The following ROBO2 variants were observed in gnomAD, a reference collection of about 807,000 sequenced individuals.
ROBO2 encodes the protein roundabout guidance receptor 2.
Under a neutral mutation model 160.8 loss-of-function variants are expected in ROBO2, and 53 were observed. The observed-to-expected ratio is 0.33, with a 90% CI of 0.26 to 0.41. The LOEUF (loss-of-function observed/expected upper bound fraction) is 0.41. Ranked by LOEUF, ROBO2 falls within the 10% of genes least tolerant of loss-of-function variation. The probability of loss-of-function intolerance (pLI) is 1.00; values close to 1 mark genes in which losing one functional copy is unlikely to be tolerated. For synonymous variants in ROBO2, 664 were observed against 611.7 expected, an observed-to-expected ratio of 1.09 and a Z score of -1.26; for missense variants, 1,577 against 1,722.4, an observed-to-expected ratio of 0.92 and a Z score of 1.49.
intron 2 of ROBO2, among the ~76,000 whole-genome samples, chr3:76,211,937 AC>A (rs574007074): frequency 4.6e-4 from 70 of 152,158 alleles, no homozygotes; most frequent in Middle Eastern, 3.4e-3. Flanking sequence ...TTAATATGAA[AC>A]AAGTGACTAC....
chr3:76,970,068 A>AT (rs1280678352), intron 2 of ROBO2, among the ~76,000 whole-genome samples: 2 of 152,118 alleles, frequency 1.3e-5, no homozygotes, highest in East Asian at 1.9e-4. Flanking sequence ...GATCACTATC[A>AT]TTTTCTTACA....
At chr3:75,942,836 A>C (rs1948116916) in intron 2 of ROBO2, among the ~76,000 whole-genome samples, 1 of 152,150 alleles carries the variant, frequency 6.6e-6, no homozygotes, top group Non-Finnish European at 1.5e-5. Context: ...TAGTTTCTTG[A>C]GAAAATTATC....
intron 2 of ROBO2, among the ~76,000 whole-genome samples, chr3:76,316,040 T>C (rs1305217704): frequency 6.6e-6 from 1 of 151,420 alleles, no homozygotes; most frequent in Admixed American, 6.6e-5. Context: ...GGGGAGGGAG[T>C]GTACGAACAG....
At chr3:76,980,738 T>C (rs2060055853) in intron 2 of ROBO2, among the ~76,000 whole-genome samples, 1 of 152,146 alleles carries the variant, frequency 6.6e-6, no homozygotes, top group African/African-American at 2.4e-5. Context: ...TATTAACATG[T>C]ATACAAATCA....
chr3:77,087,316 A>G (rs2069459743), intron 1 of ROBO2, among the ~76,000 whole-genome samples: 1 of 152,180 alleles, frequency 6.6e-6, no homozygotes, highest in Non-Finnish European at 1.5e-5. Flanking sequence ...GTAAAGCCAA[A>G]TGCAATTTCA....
intron 2 of ROBO2, among the ~76,000 whole-genome samples, chr3:76,844,713 T>C (rs1404768432): frequency 1.3e-5 from 2 of 151,936 alleles, no homozygotes; most frequent in East Asian, 3.9e-4. Flanking sequence ...TAGATTTATA[T>C]AGGATTCTAT....
At chr3:77,625,724 T>G (rs1016112431) in intron 23 of ROBO2, among the ~76,000 whole-genome samples, 2 of 152,076 alleles carry the variant, frequency 1.3e-5, no homozygotes, top group Admixed American at 6.6e-5. Flanking sequence ...TGTGGTCTCA[T>G]TAGCTAAGAA....
At chr3:76,765,566 G>A (rs1033007818) in intron 2 of ROBO2, among the ~76,000 whole-genome samples, 7 of 151,556 alleles carry the variant, frequency 4.6e-5, no homozygotes, top group Non-Finnish European at 1.0e-4. Context: ...CTACCACCTG[G>A]TTCTCTTGGC....
intron 2 of ROBO2, among the ~76,000 whole-genome samples, chr3:75,939,138 G>A (rs79415868): frequency 9.9e-5 from 15 of 151,030 alleles, no homozygotes; most frequent in African/African-American, 3.4e-4. Context: ...GTAGACAGCC[G>A]CGTTGGGTTT....
chr3:77,165,647 C>CTT (rs201580220), intron 2 of ROBO2, among the ~76,000 whole-genome samples: 1,561 of 151,956 alleles, frequency 0.01, 14 homozygotes, highest in Middle Eastern at 0.017. Flanking sequence ...TTTTTGTAAA[C>CTT]TTTTAATTGA....
At chr3:76,522,577 A>G (rs569108719) in intron 2 of ROBO2, among the ~76,000 whole-genome samples, 8 of 152,210 alleles carry the variant, frequency 5.3e-5, no homozygotes, top group Non-Finnish European at 1.2e-4. Flanking sequence ...TACAGAAATA[A>G]GTTAAAAATC....
intron 2 of ROBO2, among the ~76,000 whole-genome samples, chr3:77,151,360 T>G (rs1217440892): frequency 3.3e-5 from 5 of 152,158 alleles, no homozygotes; most frequent in African/African-American, 1.2e-4. Context: ...TATCTGGGTC[T>G]TCAGTGATAA....
At chr3:77,617,076 C>A (rs981888996) in intron 21 of ROBO2, among the ~76,000 whole-genome samples, 1 of 152,092 alleles carries the variant, frequency 6.6e-6, no homozygotes, top group East Asian at 1.9e-4. Context: ...AGAACAAGAA[C>A]AAGTAAAATT....
intron 1 of ROBO2, among the ~76,000 whole-genome samples, chr3:77,056,499 A>T (rs2065758496): frequency 6.6e-6 from 1 of 152,150 alleles, no homozygotes. Context: ...ATAACATTCC[A>T]TTTGAGATTG....
intron 2 of ROBO2, among the ~76,000 whole-genome samples, chr3:76,384,407 G>A (rs535427861): frequency 6.6e-6 from 1 of 152,266 alleles, no homozygotes; most frequent in Admixed American, 6.5e-5. Context: ...TTTTGGTCAT[G>A]AGAATATTTC....
At position 77,207,617 on chromosome 3, in the gene ROBO2, T is replaced by C. The variant is rs72893204; in HGVS notation, c.388+109277T>C. On this transcript the variant is annotated intron_variant, in intron 2 of 25. Coordinates refer to ENST00000461745, the Ensembl canonical transcript of ROBO2. ...GTAATTCATTTTTAACATATTTGTA[T>C]GTTGTGGCTGTACAAAATCCAAAAG... Among the ~76,000 whole-genome samples the C allele has an allele frequency of 7.2e-3, 1,096 of 152,318 alleles. 12 individuals are homozygous for C. The highest frequency in any genetic ancestry group is 0.024 in the African/African-American group (1,004 of 41,570).
intron 2 of ROBO2, among the ~76,000 whole-genome samples, chr3:76,320,952 C>A (rs1413545944): frequency 1.3e-5 from 2 of 152,158 alleles, no homozygotes; most frequent in African/African-American, 4.8e-5. Flanking sequence ...TATTTGTAGT[C>A]TATCTACTAT....
intron 2 of ROBO2, among the ~76,000 whole-genome samples, chr3:76,383,102 C>T (rs1016733740): frequency 6.6e-6 from 1 of 151,846 alleles, no homozygotes; most frequent in South Asian, 2.1e-4. Flanking sequence ...GGGAAGCATG[C>T]GATGGAGTAG....
chr3:77,415,737 C>T (rs558708336), intron 2 of ROBO2, among the ~76,000 whole-genome samples: 62 of 152,124 alleles, frequency 4.1e-4, no homozygotes, highest in African/African-American at 1.2e-3. Flanking sequence ...CCAGTGGCAT[C>T]GGAAAACTCA....
Sources: allele counts gnomAD v4.1 joint callset (sites outside exome capture counted in the v4.1 genomes callset), GRCh38; gene constraint gnomAD v4.1.1; transcripts MANE v1.5; gene names NCBI Gene and HGNC (gene_info 2026-07-23, HGNC 2026-07-21).